Variants in SUMF1 observed in about 807,000 individuals in gnomAD.
SUMF1 encodes formylglycine-generating enzyme.
SUMF1 carries 48 observed loss-of-function variants against 47.6 expected under a neutral mutation model. The ratio of observed to expected loss-of-function variants is 1.01; its 90% CI spans 0.80 to 1.28. The LOEUF is 1.28. SUMF1 is among the 50% of genes most tolerant of loss of function. SUMF1 has a pLI of 0.00. For missense variants in SUMF1, 571 were observed against 485.4 expected, an observed-to-expected ratio of 1.18 and a Z score of -1.66; for synonymous variants, 230 against 192.1, an observed-to-expected ratio of 1.20 and a Z score of -1.63.
intron 8 of SUMF1, among the ~76,000 whole-genome samples, chr3:4,223,024 C>A (rs1349945870): frequency 6.6e-6 from 1 of 152,010 alleles, no homozygotes; most frequent in Non-Finnish European, 1.5e-5. Flanking sequence ...GGGAAACTTC[C>A]ACGTTTTTCT....
intron 8 of SUMF1, among the ~76,000 whole-genome samples, chr3:4,347,089 G>C (rs1348174539): frequency 1.3e-5 from 2 of 152,064 alleles, no homozygotes; most frequent in Non-Finnish European, 2.9e-5. Context: ...TTCACAGCTG[G>C]ATTTTACCAG....
At chr3:4,177,879 A>C (rs1342455745) in intron 8 of SUMF1, among the ~76,000 whole-genome samples, 3 of 152,174 alleles carry the variant, frequency 2.0e-5, no homozygotes, top group Non-Finnish European at 2.9e-5. Flanking sequence ...ATCCCACAGA[A>C]ATACAATCTA....
chr3:4,159,085 A>G (rs1694516435), intron 8 of SUMF1, among the ~76,000 whole-genome samples: 1 of 151,496 alleles, frequency 6.6e-6, no homozygotes, highest in African/African-American at 2.4e-5. Context: ...AATAGTTCAT[A>G]CACCACAATT....
At chr3:4,439,262 G>T (rs1338703279) in intron 3 of SUMF1, among the ~76,000 whole-genome samples, 1 of 151,746 alleles carries the variant, frequency 6.6e-6, no homozygotes, top group Non-Finnish European at 1.5e-5. Flanking sequence ...GTGGCTCAAC[G>T]CCTGTAATGC....
In SUMF1 at chr3:4,157,049, T is replaced by A. The variant is rs189683506; in HGVS notation, c.1015-88304A>T. 1.5e-4 allele frequency among the ~76,000 whole-genome samples: 23 copies of A among 151,752 alleles called. No homozygotes were observed. The East Asian group carries it at 4.4e-3, about 29-fold the overall frequency. ...TGAGTACCTATAGGATCATTCAGTG[T>A]CTGGAGACTAACTTCTTACCCTTCA... On this transcript the variant is annotated intron_variant and NMD_transcript_variant, in intron 8 of 12. Transcript: ENST00000448413.
intron 8 of SUMF1, among the ~76,000 whole-genome samples, chr3:4,077,120 C>T (rs1692456235): frequency 6.6e-6 from 1 of 152,120 alleles, no homozygotes. Flanking sequence ...CATCTCACAC[C>T]AGTTAGAATG....
At chr3:4,259,154 C>T (rs977534529) in intron 8 of SUMF1, among the ~76,000 whole-genome samples, 3 of 150,546 alleles carry the variant, frequency 2.0e-5, no homozygotes, top group Non-Finnish European at 4.4e-5. Context: ...GGGAGATATA[C>T]CTAATGCTAG....
In SUMF1 at chr3:4,417,143, G is replaced by A. The variant is rs780668525; in HGVS notation, c.825C>T (p.Phe275=). Residue 275 remains phenylalanine (F), a synonymous_variant, in exon 6 of 9, where the codon TTC becomes TTT. Transcript: ENST00000272902. ...FPVTNTGEDG[F]QGTAPVDAFP... ...CATTACTCACAGGCGCAGTTCCTTG[G>A]AAGCCATCCTCACCAGTGTTGGTCA... The A allele has an allele frequency of 3.1e-6, 5 of 1,613,872 alleles. No homozygotes were observed. Among genetic ancestry groups the A allele is most frequent in the Admixed American group, 3.3e-5 (2 of 60,010 alleles).
chr3:4,447,266 C>T (rs2125118505), intron 3 of SUMF1, among the ~76,000 whole-genome samples: 1 of 152,216 alleles, frequency 6.6e-6, no homozygotes, highest in African/African-American at 2.4e-5. Flanking sequence ...AAAATAATTA[C>T]ATGAAAATAA....
chr3:4,275,888 T>A (rs183045421), intron 8 of SUMF1, among the ~76,000 whole-genome samples: 1 of 152,166 alleles, frequency 6.6e-6, no homozygotes, highest in Non-Finnish European at 1.5e-5. Flanking sequence ...AAAATAATCA[T>A]ATTGGCCTGT....
chr3:4,420,691 C>A lies in SUMF1; in HGVS notation c.520-545G>T, dbSNP rs570250477. Among the ~76,000 whole-genome samples the A allele has an allele frequency of 2.0e-5, 3 of 152,180 alleles. No homozygotes were observed. In the East Asian group the frequency reaches 5.8e-4, roughly 29 times the overall value. ...GATTACAGGAGTGAGCCACCACACCCGGCCTCTGTAAGAATTTTTAAAAAG... is the reference window on the plus strand; with the variant it reads ...GATTACAGGAGTGAGCCACCACACCAGGCCTCTGTAAGAATTTTTAAAAAG... On this transcript the variant is annotated intron_variant, in intron 3 of 8. Transcript: ENST00000272902.
chr3:4,228,315 C>A (rs1696218661), intron 8 of SUMF1, among the ~76,000 whole-genome samples: 1 of 152,026 alleles, frequency 6.6e-6, no homozygotes, highest in Non-Finnish European at 1.5e-5. Flanking sequence ...ACTATGTCTC[C>A]TTCACCCTTT....
chr3:4,443,477 G>C (rs1005526216), intron 3 of SUMF1, among the ~76,000 whole-genome samples: 1 of 151,410 alleles, frequency 6.6e-6, no homozygotes, highest in Admixed American at 6.6e-5. Context: ...AAAATAAAAA[G>C]AAGAGGCCAG....
At chr3:4,379,583 G>A (rs960423422) in intron 7 of SUMF1, among the ~76,000 whole-genome samples, 2 of 152,202 alleles carry the variant, frequency 1.3e-5, no homozygotes, top group Non-Finnish European at 2.9e-5. Context: ...AAGAGTGGGA[G>A]GCTGAGGCCA....
intron 8 of SUMF1, among the ~76,000 whole-genome samples, chr3:4,297,307 C>G (rs1209570475): frequency 6.6e-6 from 1 of 152,154 alleles, no homozygotes; most frequent in African/African-American, 2.4e-5. Context: ...GGATCAATTA[C>G]CATGCTTCTT....
At chr3:4,039,853 T>G (rs1033449637) in intron 9 of SUMF1, among the ~76,000 whole-genome samples, 10 of 151,968 alleles carry the variant, frequency 6.6e-5, no homozygotes, top group Non-Finnish European at 1.3e-4. Context: ...AGACCTAGTT[T>G]CTACAAAAAA....
intron 7 of SUMF1, among the ~76,000 whole-genome samples, chr3:4,403,632 C>T (rs955360414): frequency 6.6e-6 from 1 of 152,158 alleles, no homozygotes; most frequent in Non-Finnish European, 1.5e-5. Context: ...TTCTTATTCT[C>T]AGCAACAGCA....
chr3:4,036,575 C>T (rs1254712309), intron 9 of SUMF1, among the ~76,000 whole-genome samples: 1 of 149,378 alleles, frequency 6.7e-6, no homozygotes, highest in Non-Finnish European at 1.5e-5. Flanking sequence ...TCACTCCTCA[C>T]TTCCATTTCC....
intron 8 of SUMF1, among the ~76,000 whole-genome samples, chr3:4,129,717 A>C (rs979834946): frequency 6.6e-6 from 1 of 152,174 alleles, no homozygotes; most frequent in South Asian, 2.1e-4. Context: ...GGAAATACTG[A>C]ACACTGGCTC....
Sources: gnomAD v4.1 joint callset for allele counts (sites outside exome capture counted in the v4.1 genomes callset) on GRCh38, gnomAD v4.1.1 for gene constraint, MANE v1.5 for transcripts, NCBI Gene and HGNC (gene_info 2026-07-23, HGNC 2026-07-21) for gene names.